TNS3: variants seen among roughly 807,000 people sequenced by gnomAD.
TNS3 encodes the protein tensin 3.
Under a neutral mutation model 140.9 loss-of-function variants are expected in TNS3, and 45 were observed. The ratio of observed to expected loss-of-function variants is 0.32; its 90% CI spans 0.25 to 0.41. The LOEUF is 0.41. TNS3 is among the 10% of genes least tolerant of loss of function. The pLI is 1.00. For synonymous variants in TNS3, 815 were observed against 788.4 expected, an observed-to-expected ratio of 1.03 and a Z score of -0.56; for missense variants, 1,716 against 1,906.7, an observed-to-expected ratio of 0.90 and a Z score of 1.86.
At chr7:47,289,067 C>T (rs1011929285) in intron 27 of TNS3, among the ~76,000 whole-genome samples, 5 of 152,144 alleles carry the variant, frequency 3.3e-5, no homozygotes, top group Admixed American at 6.5e-5. Flanking sequence ...TTAAACACTA[C>T]AAAATTCCAT....
At chr7:47,530,823 C>CA (rs781707373) in intron 1 of TNS3, among the ~76,000 whole-genome samples, 14,030 of 44,978 alleles carry the variant, frequency 0.31, 2,971 homozygotes, top group East Asian at 0.58. Flanking sequence ...AACTCCATCT[C>CA]AAAAAAAAAA....
chr7:47,365,556 G>A lies in TNS3; in HGVS notation c.2281+2809C>T, dbSNP rs1051107174. ...AGGGGGGCGGATCACAAGGTCAGGA[G>A]ATCGAGACCTTCTTGGCTAACATGG... On this transcript the variant is annotated intron_variant, in intron 17 of 30. Coordinates refer to ENST00000311160, the MANE Select transcript of TNS3 (RefSeq NM_022748.12). Among the ~76,000 whole-genome samples the A allele has an allele frequency of 2.0e-5, 3 of 152,088 alleles. No individual in the cohort carries two copies. The East Asian group carries it at 5.8e-4, about 29-fold the overall frequency.
At chr7:47,501,081 C>A (rs1219612322) in intron 3 of TNS3, among the ~76,000 whole-genome samples, 1 of 145,914 alleles carries the variant, frequency 6.9e-6, no homozygotes, top group Non-Finnish European at 1.5e-5. Flanking sequence ...GGAAGAAAGA[C>A]AAACAGAAAG....
chr7:47,520,951 A>C (rs1175132564), intron 2 of TNS3, among the ~76,000 whole-genome samples: 1 of 152,242 alleles, frequency 6.6e-6, no homozygotes, highest in Admixed American at 6.5e-5. Context: ...TGGATTTGCC[A>C]GAGAAGAGCG....
intron 3 of TNS3, 98 bp from the exon 4 acceptor site, chr7:47,481,239 T>C: frequency 1.1e-6 from 1 of 903,930 alleles, no homozygotes; most frequent in South Asian, 1.4e-5. Context: ...TGAAACTGTC[T>C]CTAACCTCAC....
intron 1 of TNS3, among the ~76,000 whole-genome samples, chr7:47,572,271 A>T (rs1468324195): frequency 6.6e-6 from 1 of 152,214 alleles, no homozygotes; most frequent in Non-Finnish European, 1.5e-5. Context: ...GGAGGGTGAC[A>T]CCCAGAGACC....
At chr7:47,423,532 T>C (rs1183194547) in intron 10 of TNS3, among the ~76,000 whole-genome samples, 1 of 152,200 alleles carries the variant, frequency 6.6e-6, no homozygotes, top group Admixed American at 6.5e-5. Context: ...ATGGGCAGCA[T>C]GACAGAAAAA....
chr7:47,541,564 A>G (rs904199356), intron 1 of TNS3, among the ~76,000 whole-genome samples: 1 of 152,148 alleles, frequency 6.6e-6, no homozygotes, highest in African/African-American at 2.4e-5. Flanking sequence ...CAAACTGTAA[A>G]CAACTTGGAG....
intron 13 of TNS3, among the ~76,000 whole-genome samples, chr7:47,405,045 C>T (rs376455681): frequency 8.9e-4 from 136 of 152,314 alleles, no homozygotes; most frequent in African/African-American, 3.2e-3. Context: ...AGTTATCCCT[C>T]AATCCAGTGT....
At chr7:47,451,778 T>C (rs1796028182) in intron 4 of TNS3, among the ~76,000 whole-genome samples, 1 of 152,162 alleles carries the variant, frequency 6.6e-6, no homozygotes, top group South Asian at 2.1e-4. Flanking sequence ...AAGAAATAAA[T>C]GTAAAATCTT....
At chr7:47,317,994 T>A (rs1787507605) in intron 20 of TNS3, among the ~76,000 whole-genome samples, 2 of 152,246 alleles carry the variant, frequency 1.3e-5, no homozygotes, top group South Asian at 4.1e-4. Context: ...AAGTGTACAG[T>A]GCTGTAGCAT....
chr7:47,332,573 C>T (rs904868613), intron 20 of TNS3, among the ~76,000 whole-genome samples: 4 of 151,730 alleles, frequency 2.6e-5, no homozygotes, highest in Admixed American at 6.6e-5. Flanking sequence ...TCCTCAATCC[C>T]GGGATGGAGC....
At chr7:47,522,784 C>T (rs1055027533) in intron 2 of TNS3, among the ~76,000 whole-genome samples, 4 of 151,894 alleles carry the variant, frequency 2.6e-5, no homozygotes, top group Non-Finnish European at 4.4e-5. Flanking sequence ...AAAAATTAGC[C>T]GGGTGTGGTG....
At chr7:47,284,348 G>A (rs961195253) in intron 27 of TNS3, among the ~76,000 whole-genome samples, 2 of 152,170 alleles carry the variant, frequency 1.3e-5, no homozygotes, top group African/African-American at 4.8e-5. Flanking sequence ...TGGTTGCCAA[G>A]AGAAGGAATG....
intron 10 of TNS3, among the ~76,000 whole-genome samples, chr7:47,423,327 G>A (rs1456936812): frequency 1.3e-5 from 2 of 152,238 alleles, no homozygotes; most frequent in African/African-American, 4.8e-5. Context: ...CATCTGTGGA[G>A]GAAGTAAGTG....
chr7:47,299,766 T>C (rs1786275247), intron 23 of TNS3, among the ~76,000 whole-genome samples: 1 of 152,194 alleles, frequency 6.6e-6, no homozygotes, highest in African/African-American at 2.4e-5. Context: ...AGAAGTAGGC[T>C]GAGGAGCCTG....
At chr7:47,304,689 G>A (rs1343493215) in intron 21 of TNS3, 143 bp downstream of exon 21, 4 of 800,666 alleles carry the variant, frequency 5.0e-6, no homozygotes, top group East Asian at 6.7e-5. Context: ...CTGGTCCCCT[G>A]CCCCGCCCCA....
chr7:47,350,399 G>C (rs563569664), intron 17 of TNS3, among the ~76,000 whole-genome samples: 1 of 152,344 alleles, frequency 6.6e-6, no homozygotes, highest in Non-Finnish European at 1.5e-5. Context: ...TAAATACATG[G>C]GGTCCAGCAG....
rs748611091 is a variant in TNS3 at position 47,277,653 on chromosome 7, GC to G, written c.*422del. 3.6e-6 allele frequency: 1 copy of G among 274,102 alleles called. No homozygotes were observed. Among genetic ancestry groups the G allele is most frequent in the Non-Finnish European group, 7.1e-6 (1 of 140,566 alleles). 17.0% of individuals were successfully genotyped at this position (274,102 alleles called of 1,614,324 possible). A position where few individuals can be genotyped will look rare whatever the true frequency, so the allele number is the denominator to read the frequency against. ...GCCTCGGGTGCAGCTGGACAGAAGC[GC>G]CCATGCGGACGGGCGAAGCATGGCA... On this transcript the variant is annotated 3_prime_UTR_variant, in exon 31 of 31. Transcript: ENST00000311160.
Sources: gnomAD v4.1 joint callset for allele counts (sites outside exome capture counted in the v4.1 genomes callset) on GRCh38, gnomAD v4.1.1 for gene constraint, MANE v1.5 for transcripts, NCBI Gene and HGNC (gene_info 2026-07-23, HGNC 2026-07-21) for gene names.